Variants in PRELID2 observed in about 807,000 individuals in gnomAD.
PRELID2 encodes PRELI domain-containing protein 2.
Under a neutral mutation model 28.4 loss-of-function variants are expected in PRELID2, and 25 were observed. The observed-to-expected ratio is 0.88, with a 90% CI of 0.64 to 1.23. PRELID2 has a LOEUF of 1.23. Ranked by LOEUF, PRELID2 falls within the 50% of genes most tolerant of loss-of-function variation. PRELID2 has a pLI of 0.00. For synonymous variants in PRELID2, 76 were observed against 71.6 expected (o/e 1.06, Z -0.31); for missense variants, 201 against 214.4 (o/e 0.94, Z 0.39).
intron 2 of PRELID2, among the ~76,000 whole-genome samples, chr5:145,820,673 C>T (rs1231417295): frequency 1.3e-5 from 2 of 152,052 alleles, no homozygotes; most frequent in Non-Finnish European, 2.9e-5. Context: ...TCTGCAGCAA[C>T]CTCAATTATG....
chr5:145,405,879 G>T, the PRELID2 span, among the ~76,000 whole-genome samples: 1 of 151,696 alleles, frequency 6.6e-6, no homozygotes, highest in East Asian at 1.9e-4. Context: ...CTAATTTTTT[G>T]TATTTTTAGT....
chr5:145,558,478 T>C (rs1175388625), intron 1 of PRELID2, among the ~76,000 whole-genome samples: 1 of 152,222 alleles, frequency 6.6e-6, no homozygotes, highest in Non-Finnish European at 1.5e-5. Flanking sequence ...AGCTGATAAC[T>C]CTGTAGTTAC....
chr5:145,343,720 C>CA, the PRELID2 span, among the ~76,000 whole-genome samples: 5 of 151,218 alleles, frequency 3.3e-5, no homozygotes, highest in Non-Finnish European at 7.4e-5. Context: ...ATAAATAAAA[C>CA]AAAAAATTAG....
chr5:145,726,897 A>G (rs2149722553), intron 1 of PRELID2, among the ~76,000 whole-genome samples: 1 of 152,270 alleles, frequency 6.6e-6, no homozygotes, highest in South Asian at 2.1e-4. Flanking sequence ...CTGGAAGTAA[A>G]TTATAACATT....
intron 1 of PRELID2, among the ~76,000 whole-genome samples, chr5:145,553,866 A>G (rs892772680): frequency 6.6e-6 from 1 of 152,200 alleles, no homozygotes. Context: ...CAGCCCTTAG[A>G]TGATAAAGGA....
At chr5:145,610,241 G>A (rs1753593464) in intron 1 of PRELID2, among the ~76,000 whole-genome samples, 1 of 152,148 alleles carries the variant, frequency 6.6e-6, no homozygotes, top group Admixed American at 6.5e-5. Context: ...AGCCCAGACA[G>A]GCTAGTGGCC....
the PRELID2 span, among the ~76,000 whole-genome samples, chr5:145,269,728 T>C: frequency 6.7e-6 from 1 of 150,292 alleles, no homozygotes; most frequent in Non-Finnish European, 1.5e-5. Flanking sequence ...ATATAGTTTG[T>C]ATATATATAA....
chr5:145,293,613 G>A, the PRELID2 span, among the ~76,000 whole-genome samples: 1 of 152,124 alleles, frequency 6.6e-6, no homozygotes, highest in East Asian at 1.9e-4. Context: ...GGTGATAAAA[G>A]GGGTTGAATA....
chr5:145,293,766 T>C, the PRELID2 span, among the ~76,000 whole-genome samples: 39,998 of 152,046 alleles, frequency 0.26, 5,618 homozygotes, highest in Non-Finnish European at 0.3. Flanking sequence ...ACAAGCATAA[T>C]AGTGAAGTTA....
At chr5:145,611,762 G>A (rs1012005606) in intron 1 of PRELID2, among the ~76,000 whole-genome samples, 11 of 152,018 alleles carry the variant, frequency 7.2e-5, no homozygotes, top group African/African-American at 2.7e-4. Flanking sequence ...GATATTTTTT[G>A]CTTGTTTGAT....
At chr5:145,538,806 A>T (rs1048052787) in intron 1 of PRELID2, among the ~76,000 whole-genome samples, 1 of 151,942 alleles carries the variant, frequency 6.6e-6, no homozygotes, top group Non-Finnish European at 1.5e-5. Context: ...TTCCTGCACA[A>T]AGTTTATTGA....
the PRELID2 span, among the ~76,000 whole-genome samples, chr5:145,399,266 A>C: frequency 6.6e-6 from 1 of 152,152 alleles, no homozygotes; most frequent in African/African-American, 2.4e-5. Context: ...GGAGTTGATT[A>C]CATGGGGGTT....
chr5:145,505,088 A>T (rs1444175034), intron 1 of PRELID2, among the ~76,000 whole-genome samples: 2 of 152,158 alleles, frequency 1.3e-5, no homozygotes, highest in East Asian at 1.9e-4. Context: ...CCAAGCATAC[A>T]TGACCATAGA....
chr5:145,643,243 A>G (rs1357874829), intron 1 of PRELID2, among the ~76,000 whole-genome samples: 4 of 152,018 alleles, frequency 2.6e-5, no homozygotes, highest in African/African-American at 9.7e-5. Flanking sequence ...TCCCTTGTAA[A>G]TTGGATTCCT....
intron 1 of PRELID2, among the ~76,000 whole-genome samples, chr5:145,623,641 GTAGGTAGA>G (rs1303422359): frequency 1.3e-5 from 2 of 151,186 alleles, no homozygotes; most frequent in Non-Finnish European, 2.9e-5. Flanking sequence ...AGATAGGTAG[GTAGGTAGA>G]TAGGTAGGTA....
the PRELID2 span, among the ~76,000 whole-genome samples, chr5:145,352,924 A>T: frequency 6.6e-6 from 1 of 152,176 alleles, no homozygotes; most frequent in African/African-American, 2.4e-5. Context: ...AGATCACCTC[A>T]GCTTGGACTT....
chr5:145,661,678 A>C (rs1754496863), intron 1 of PRELID2, among the ~76,000 whole-genome samples: 1 of 150,934 alleles, frequency 6.6e-6, no homozygotes, highest in Non-Finnish European at 1.5e-5. Context: ...AAAAAAAAAA[A>C]AAAAAAAAAA....
At chr5:145,828,643 G>T (rs1048903278) in intron 1 of PRELID2, among the ~76,000 whole-genome samples, 1 of 151,936 alleles carries the variant, frequency 6.6e-6, no homozygotes, top group African/African-American at 2.4e-5. Flanking sequence ...AAAGACAACT[G>T]TTTCTAAATA....
At chr5:145,692,146 C>T (rs977379922) in intron 1 of PRELID2, among the ~76,000 whole-genome samples, 1 of 152,114 alleles carries the variant, frequency 6.6e-6, no homozygotes, top group African/African-American at 2.4e-5. Context: ...TTTCACAATG[C>T]CACACACTCC....
Sources: allele counts gnomAD v4.1 joint callset (sites outside exome capture counted in the v4.1 genomes callset), GRCh38; gene constraint gnomAD v4.1.1; transcripts MANE v1.5; gene names NCBI Gene and HGNC (gene_info 2026-07-23, HGNC 2026-07-21).